The following LPIN3 variants were observed in gnomAD, a reference collection of about 807,000 sequenced individuals.
LPIN3 encodes phosphatidate phosphatase LPIN3.
LPIN3 carries 82 observed loss-of-function variants against 94.7 expected under a neutral mutation model. The observed-to-expected ratio is 0.87, with a 90% CI of 0.72 to 1.04. The LOEUF (loss-of-function observed/expected upper bound fraction) is 1.04. LPIN3 is among the 50% of genes least tolerant of loss of function. The pLI, the probability that LPIN3 is intolerant of heterozygous loss-of-function variation, is 0.00. For synonymous variants in LPIN3, 418 were observed against 443.3 expected (o/e 0.94, Z 0.72); for missense variants, 996 against 1,090.5 (o/e 0.91, Z 1.22).
At position 41,348,910 on chromosome 20, in the gene LPIN3, G is replaced by A. The variant is rs1470848999; in HGVS notation, c.557+23G>A. ...AGGGTGTGTAAGGACCAAGGGACTT[G>A]AACCCCAGTTTGGGGGTTCAAGTGC... On this transcript the variant is annotated intron_variant, in intron 4 of 19. Coordinates refer to ENST00000373257, the MANE Select transcript of LPIN3 (RefSeq NM_022896.3). 6 of 1,594,644 alleles carry A rather than the reference G, an allele frequency of 3.8e-6. No homozygotes were observed. In the African/African-American group the frequency reaches 5.4e-5, roughly 14 times the overall value.
chr20:41,345,751 G>A (rs970828077), intron 1 of LPIN3, 45 bp from the exon 2 acceptor site: 1 of 1,551,672 alleles, frequency 6.4e-7, no homozygotes, highest in Non-Finnish European at 8.7e-7. Context: ...TCTTGTGGAG[G>A]AGCTGGAGCA....
In LPIN3 at chr20:41,358,826, G is replaced by A. The variant is rs539922458; in HGVS notation, c.2516G>A (p.Arg839Gln). The A allele has an allele frequency of 1.6e-5, 26 of 1,614,066 alleles. No homozygotes were observed. The highest frequency in any genetic ancestry group is 5.0e-5 in the Admixed American group (3 of 60,016). The change falls in exon 20 of 20, where the codon CGG (arginine) becomes CAG (glutamine). Residue 839 changes from arginine to glutamine, a missense_variant. Transcript: ENST00000373257. ...GAATACAGTAACTTCTGCTACTGGCGGGAGCCACTGCCTGCTGTGGACCTT... is the reference window on the plus strand; with the variant it reads ...GAATACAGTAACTTCTGCTACTGGCAGGAGCCACTGCCTGCTGTGGACCTT... ...NPEYSNFCYW[R>Q]EPLPAVDLDT...
At chr20:41,352,924 C>T (rs756385016) in intron 11 of LPIN3, 57 bp downstream of exon 11, 52 of 1,580,480 alleles carry the variant, frequency 3.3e-5, no homozygotes, top group Middle Eastern at 1.7e-4. Flanking sequence ...ACTCAGGGCA[C>T]GGAGACCCTT....
rs1198670016 is a variant in LPIN3 at position 41,340,854 on chromosome 20, TAGA to T, written c.-154_-152del. 2.6e-5 allele frequency: 4 copies of T among 152,364 alleles called. No individual in the cohort carries two copies. Among genetic ancestry groups the T allele is most frequent in the East Asian group, 3.9e-4 (2 of 5,170 alleles). The allele number at this position is 152,364 out of a possible 1,614,324, so 9.4% of individuals were successfully genotyped here. ...GCCTGTGGAGGCCGCACTAGGATCG[TAGA>T]AGGAGTGGAGCCGTGCTCTCACCCT... On this transcript the variant is annotated 5_prime_UTR_variant, in exon 1 of 20. Transcript: ENST00000373257.
chr20:41,360,018 T>C lies in LPIN3; in HGVS notation c.*1152T>C, dbSNP rs2235595. 9,331 of 152,248 alleles carry C rather than the reference T, an allele frequency of 0.061. 844 individuals are homozygous for C. Among genetic ancestry groups the C allele is most frequent in the African/African-American group, 0.2 (8,367 of 41,382 alleles). 9.4% of individuals were successfully genotyped at this position (152,248 alleles called of 1,614,324 possible). The stretch of plus-strand genomic sequence containing the variant: ...CTGCCCTACTCTGATAGTACCAGAG[T>C]GGAGGGCAGAATACCAAATGTCCAG... On this transcript the variant is annotated 3_prime_UTR_variant, in exon 20 of 20. Transcript: ENST00000373257.
rs772441744 is a variant in LPIN3, at chr20:41,357,866, T to G, written c.2040-16T>G. On this transcript the variant is annotated splice_polypyrimidine_tract_variant and intron_variant, in intron 16 of 19. Coordinates refer to ENST00000373257, the MANE Select transcript of LPIN3 (RefSeq NM_022896.3). ...GGTCTCTGATGGCTCTATGCCACCC[T>G]GTCCCCCACTCTCAGAAATGGGTAC... 2 of 1,613,928 alleles carry G rather than the reference T, an allele frequency of 1.2e-6. No individual in the cohort carries two copies. The highest frequency in any genetic ancestry group is 2.2e-5 in the South Asian group (2 of 91,084).
intron 3 of LPIN3, 44 bp downstream of exon 3, chr20:41,347,691 C>G: frequency 6.6e-7 from 1 of 1,523,676 alleles, no homozygotes; most frequent in Non-Finnish European, 9.0e-7. Context: ...CCACCCCTTT[C>G]CTGTGCCTCT....
chr20:41,346,877 C>T (rs943319601), intron 2 of LPIN3, among the ~76,000 whole-genome samples: 2 of 152,176 alleles, frequency 1.3e-5, no homozygotes, highest in South Asian at 2.1e-4. Context: ...GCAACTGTGA[C>T]GTTTCCAGGA....
chr20:41,344,061 C>CAAA (rs201851348), intron 1 of LPIN3, among the ~76,000 whole-genome samples: 1 of 130,212 alleles, frequency 7.7e-6, no homozygotes. Flanking sequence ...GATCCTGTCT[C>CAAA]AAAAAAAAAA....
intron 7 of LPIN3, 55 bp from the exon 8 acceptor site, chr20:41,351,766 G>C (rs1349073698): frequency 7.8e-6 from 12 of 1,538,984 alleles, no homozygotes; most frequent in Non-Finnish European, 1.1e-5. Context: ...GGCACTTACT[G>C]TCCACACTGC....
Position 41,352,214 on chromosome 20 carries a change from TC to T in LPIN3, c.1360del (p.Leu454Ter). On this transcript the variant is annotated frameshift_variant, in exon 9 of 20. Transcript: ENST00000373257. LOFTEE classifies it high-confidence loss of function. ...CGGLADSRDISLEKFNQHSVS... is the reference protein window; with the variant it reads ...CGGLADSRDIXLEKFNQHSVS... ...TGGACTGGCTGACAGCCGGGACATC[TC>T]CCTAGGTATGTTCGACCATGGCCAA... The T allele has an allele frequency of 6.2e-7, 1 of 1,614,096 alleles. No homozygotes were observed. The highest frequency in any genetic ancestry group is 8.5e-7 in the Non-Finnish European group (1 of 1,180,016).
chr20:41,346,323 T>A (rs1044211648), intron 2 of LPIN3, among the ~76,000 whole-genome samples: 1 of 152,246 alleles, frequency 6.6e-6, no homozygotes, highest in Non-Finnish European at 1.5e-5. Flanking sequence ...TTACTTCACC[T>A]GCACAAATGG....
chr20:41,357,084 C>T lies in LPIN3; in HGVS notation c.1848C>T (p.Ser616=), dbSNP rs371106167. Residue 616 remains serine, a synonymous_variant, in exon 15 of 20, where the codon AGC becomes AGT. Transcript: ENST00000373257. ...LQEGANDVVF[S]VTTQYQGTCR... Reference sequence around the variant, plus strand: ...AAGGTGCCAATGATGTGGTCTTCAGCGTGACCACTCAGTACCAGGGCACCT... The same window carrying T: ...AAGGTGCCAATGATGTGGTCTTCAGTGTGACCACTCAGTACCAGGGCACCT... 8.1e-6 allele frequency: 13 copies of T among 1,613,898 alleles called. No individual in the cohort carries two copies. Among genetic ancestry groups the T allele is most frequent in the Admixed American group, 6.7e-5 (4 of 60,008 alleles).
intron 6 of LPIN3, 54 bp from the exon 7 acceptor site, chr20:41,350,001 G>T: frequency 6.4e-7 from 1 of 1,559,034 alleles, no homozygotes; most frequent in Non-Finnish European, 8.7e-7. Flanking sequence ...CAAAAGCTTT[G>T]TGGGGCATGG....
Position 41,358,553 on chromosome 20 carries a change from A to T in LPIN3, c.2411+11A>T. The T allele has an allele frequency of 1.2e-6, 2 of 1,613,536 alleles. No homozygotes were observed. The highest frequency in any genetic ancestry group is 2.7e-5 in the African/African-American group (2 of 74,940). On this transcript the variant is annotated intron_variant, in intron 19 of 19. Transcript: ENST00000373257. ...GAACCACAAATCCACGTGAGGCTAAACCCTGCCATGTTCCCCATGCCCTAC... is the reference window on the plus strand; with the variant it reads ...GAACCACAAATCCACGTGAGGCTAATCCCTGCCATGTTCCCCATGCCCTAC...
rs1363009667 is a variant in LPIN3, at chr20:41,358,538, T to C, written c.2407T>C (p.Ser803Pro). Residue 803 changes from serine to proline, a missense_variant, in exon 19 of 20, where the codon TCC becomes CCC. Physicochemically the swap from Ser to Pro is moderately conservative, Grantham distance 74. Transcript: ENST00000373257. ...LIQELIKNHK[S>P]TYERLGEVVE... is the part of the protein sequence containing the mutation. ...CCAGGAGCTCATAAAGAACCACAAA[T>C]CCACGTGAGGCTAAACCCTGCCATG... The C allele has an allele frequency of 3.1e-6, 5 of 1,613,782 alleles. No individual in the cohort carries two copies. Among genetic ancestry groups the C allele is most frequent in the Non-Finnish European group, 4.2e-6 (5 of 1,179,960 alleles).
At chr20:41,341,540 G>A (rs2045579670) in intron 1 of LPIN3, among the ~76,000 whole-genome samples, 1 of 152,232 alleles carries the variant, frequency 6.6e-6, no homozygotes, top group African/African-American at 2.4e-5. Context: ...AGGGCAGCTT[G>A]CTCTGGCTTC....
chr20:41,354,997 C>T, intron 13 of LPIN3, 134 bp downstream of exon 13: 1 of 800,130 alleles, frequency 1.2e-6, no homozygotes, highest in Non-Finnish European at 1.9e-6. Flanking sequence ...CCTCAAGCAC[C>T]AAGCACTTCT....
intron 11 of LPIN3, among the ~76,000 whole-genome samples, chr20:41,354,193 T>C (rs2046126374): frequency 1.3e-5 from 2 of 152,180 alleles, no homozygotes; most frequent in Admixed American, 6.5e-5. Flanking sequence ...AAGGGGGTTG[T>C]TCATGGAATA....
Sources: gnomAD v4.1 joint callset for allele counts (sites outside exome capture counted in the v4.1 genomes callset) on GRCh38, gnomAD v4.1.1 for gene constraint, MANE v1.5 for transcripts, NCBI Gene and HGNC (gene_info 2026-07-23, HGNC 2026-07-21) for gene names.